The following TAF2 variants were observed in gnomAD, a reference collection of about 807,000 sequenced individuals.
The protein encoded by TAF2 is transcription initiation factor TFIID subunit 2.
A neutral mutation model predicts 138.5 loss-of-function variants in TAF2; 61 were observed. That is an observed-to-expected ratio of 0.44 (90% CI 0.36 to 0.54). The LOEUF is 0.54. TAF2 is among the 20% of genes least tolerant of loss of function. The probability of loss-of-function intolerance (pLI) is 0.00; values close to 1 mark genes in which losing one functional copy is unlikely to be tolerated. For missense variants in TAF2, 1,090 were observed against 1,427.9 expected, an observed-to-expected ratio of 0.76 and a Z score of 3.81; for synonymous variants, 475 against 469.9, an observed-to-expected ratio of 1.01 and a Z score of -0.14.
rs552374828 is a variant in TAF2, at chr8:119,827,140, G to A, written c.138+4537C>T. ...CCCAGGGAGGTTGAGGCTGCAGTGA[G>A]CTGTGATTGCGCCACTGCACTCCAG... On this transcript the variant is annotated intron_variant, in intron 2 of 25. Coordinates refer to ENST00000378164, the MANE Select transcript of TAF2 (RefSeq NM_003184.4). 1.1e-4 allele frequency among the ~76,000 whole-genome samples: 16 copies of A among 152,252 alleles called. No homozygotes were observed. The East Asian group carries it at 3.1e-3, about 29-fold the overall frequency.
At chr8:119,797,900 T>G in intron 6 of TAF2, 54 bp from the exon 7 acceptor site, 1 of 1,549,420 alleles carries the variant, frequency 6.5e-7, no homozygotes. Context: ...AATTTAATAT[T>G]GGAAATTTCC....
At chr8:119,759,273 G>A (rs1285636881) in intron 20 of TAF2, among the ~76,000 whole-genome samples, 1 of 152,022 alleles carries the variant, frequency 6.6e-6, no homozygotes, top group Admixed American at 6.6e-5. Flanking sequence ...TTTCGAAGTT[G>A]GGTCAACACA....
chr8:119,786,466 C>G (rs1159679817), intron 14 of TAF2, among the ~76,000 whole-genome samples: 1 of 152,158 alleles, frequency 6.6e-6, no homozygotes, highest in Middle Eastern at 3.4e-3. Flanking sequence ...AGCTCCTCGG[C>G]CTCTACCTTC....
chr8:119,777,233 C>T (rs1031080165), intron 18 of TAF2, among the ~76,000 whole-genome samples: 1 of 152,090 alleles, frequency 6.6e-6, no homozygotes, highest in Non-Finnish European at 1.5e-5. Context: ...GGTCCTGGAA[C>T]CAATCCCCCA....
At chr8:119,782,378 A>G (rs1010291501) in intron 16 of TAF2, among the ~76,000 whole-genome samples, 3 of 152,240 alleles carry the variant, frequency 2.0e-5, no homozygotes, top group African/African-American at 7.2e-5. Flanking sequence ...CTAAGATTTT[A>G]GCATACAGGG....
At chr8:119,828,353 G>A (rs984342773) in intron 2 of TAF2, among the ~76,000 whole-genome samples, 1 of 152,140 alleles carries the variant, frequency 6.6e-6, no homozygotes, top group Non-Finnish European at 1.5e-5. Context: ...CCAAAAAGCA[G>A]AGAAAGGGGT....
intron 10 of TAF2, chr8:119,791,865 T>A (rs1190918948): frequency 6.5e-6 from 1 of 153,132 alleles, no homozygotes; most frequent in African/African-American, 2.4e-5. Flanking sequence ...AGGAAAAAAT[T>A]TCTCTTTATA....
At chr8:119,764,366 T>C (rs1025210267) in intron 18 of TAF2, among the ~76,000 whole-genome samples, 8 of 152,156 alleles carry the variant, frequency 5.3e-5, no homozygotes, top group Non-Finnish European at 1.2e-4. Context: ...CACCTAACTA[T>C]AAAAACTGAT....
At chr8:119,811,831 A>G (rs941414586) in intron 3 of TAF2, among the ~76,000 whole-genome samples, 2 of 151,270 alleles carry the variant, frequency 1.3e-5, no homozygotes, top group Non-Finnish European at 2.9e-5. Context: ...AAAAAAAATA[A>G]CCAAAACAAA....
intron 9 of TAF2, 101 bp from the exon 10 acceptor site, chr8:119,793,552 T>A: frequency 1.2e-6 from 1 of 855,518 alleles, no homozygotes; most frequent in Non-Finnish European, 1.9e-6. Flanking sequence ...TTTCCTAAAA[T>A]CAGAATGTAA....
chr8:119,824,890 T>C (rs1450843167), intron 2 of TAF2, among the ~76,000 whole-genome samples: 2 of 152,182 alleles, frequency 1.3e-5, no homozygotes, highest in African/African-American at 4.8e-5. Flanking sequence ...AAATTTGCTG[T>C]AGAGGTAGGA....
chr8:119,785,845 A>C (rs961098219), intron 14 of TAF2, among the ~76,000 whole-genome samples: 2 of 152,196 alleles, frequency 1.3e-5, no homozygotes. Flanking sequence ...CCTCATACCA[A>C]AGAATACTCC....
intron 3 of TAF2, among the ~76,000 whole-genome samples, chr8:119,813,703 T>C (rs1253351317): frequency 6.6e-6 from 1 of 152,224 alleles, no homozygotes; most frequent in Non-Finnish European, 1.5e-5. Context: ...ATAAGAAAAC[T>C]TAGGGGAAAG....
intron 3 of TAF2, among the ~76,000 whole-genome samples, chr8:119,814,846 T>C (rs559396030): frequency 1.6e-3 from 236 of 146,464 alleles, no homozygotes; most frequent in Middle Eastern, 3.6e-3. Context: ...GAGGTGGAGG[T>C]TGCAGTGAGC....
intron 23 of TAF2, 70 bp downstream of exon 23, chr8:119,746,635 G>A: frequency 2.0e-6 from 3 of 1,519,782 alleles, no homozygotes; most frequent in Non-Finnish European, 2.7e-6. Flanking sequence ...CTAGTTCACA[G>A]GAAACAATTC....
At chr8:119,783,955 T>C (rs1822847514) in intron 15 of TAF2, among the ~76,000 whole-genome samples, 1 of 152,196 alleles carries the variant, frequency 6.6e-6, no homozygotes, top group Non-Finnish European at 1.5e-5. Flanking sequence ...TGATTTTGAT[T>C]TGTGATTATA....
At chr8:119,755,088 G>T (rs1820606462) in intron 22 of TAF2, among the ~76,000 whole-genome samples, 1 of 151,938 alleles carries the variant, frequency 6.6e-6, no homozygotes, top group South Asian at 2.1e-4. Flanking sequence ...AATGAAAACA[G>T]TTCAGACAAA....
chr8:119,769,072 C>A (rs1397246540), intron 18 of TAF2, among the ~76,000 whole-genome samples: 2 of 152,182 alleles, frequency 1.3e-5, no homozygotes, highest in African/African-American at 2.4e-5. Flanking sequence ...CTCCACCAGC[C>A]ACCCCCGTCA....
intron 18 of TAF2, among the ~76,000 whole-genome samples, chr8:119,776,078 C>G (rs1822210652): frequency 6.6e-6 from 1 of 152,102 alleles, no homozygotes; most frequent in African/African-American, 2.4e-5. Flanking sequence ...AAATGTTGGA[C>G]TATCATAACA....
Sources: allele counts gnomAD v4.1 joint callset (sites outside exome capture counted in the v4.1 genomes callset), GRCh38; gene constraint gnomAD v4.1.1; transcripts MANE v1.5; gene names NCBI Gene and HGNC (gene_info 2026-07-23, HGNC 2026-07-21).